GNAL: variants seen among roughly 807,000 people sequenced by gnomAD.
GNAL encodes G protein subunit alpha L.
Under a neutral mutation model 55.1 loss-of-function variants are expected in GNAL, and 18 were observed. The ratio of observed to expected loss-of-function variants is 0.33; its 90% confidence interval spans 0.23 to 0.48. The LOEUF (loss-of-function observed/expected upper bound fraction) is 0.48. Among genes scored for constraint, GNAL ranks in the 20% least tolerant of loss-of-function variants. The pLI, the probability that GNAL is intolerant of heterozygous loss-of-function variation, is 0.99. For synonymous variants in GNAL, 253 were observed against 237.0 expected, an observed-to-expected ratio of 1.07 and a Z score of -0.62; for missense variants, 412 against 614.1, an observed-to-expected ratio of 0.67 and a Z score of 3.48.
At chr18:11,793,984 G>A (rs1483963666) in intron 4 of GNAL, among the ~76,000 whole-genome samples, 1 of 150,890 alleles carries the variant, frequency 6.6e-6, no homozygotes, top group East Asian at 1.9e-4. Flanking sequence ...TGGCCAATAA[G>A]CACATGAAAA....
chr18:11,772,397 CT>C (rs2033661559), intron 4 of GNAL, among the ~76,000 whole-genome samples: 1 of 152,208 alleles, frequency 6.6e-6, no homozygotes. Context: ...GAGACTGCAT[CT>C]TTGCAGGTTT....
intron 11 of GNAL, among the ~76,000 whole-genome samples, chr18:11,877,260 C>T (rs531032941): frequency 6.6e-6 from 1 of 152,242 alleles, no homozygotes; most frequent in Non-Finnish European, 1.5e-5. Context: ...TCGAGACTAG[C>T]CTGGCCAACA....
chr18:11,805,073 T>C (rs111747492), intron 4 of GNAL, among the ~76,000 whole-genome samples: 2 of 150,010 alleles, frequency 1.3e-5, no homozygotes, highest in Non-Finnish European at 3.0e-5. Context: ...GAGTGGAACA[T>C]GGAGATACTG....
intron 1 of GNAL, among the ~76,000 whole-genome samples, chr18:11,702,544 T>C (rs896179093): frequency 6.6e-6 from 1 of 152,208 alleles, no homozygotes; most frequent in African/African-American, 2.4e-5. Context: ...CTACTATTTG[T>C]TTATTCAGTA....
rs60956367 is a variant in GNAL, at chr18:11,754,403, C to T, written c.624+458C>T. Reference sequence around the variant, plus strand: ...CTGCACTCCAGCCTGGGCGACAGAGCGAGACTCCCATCTCAAAAAAAAAAA... The same window carrying T: ...CTGCACTCCAGCCTGGGCGACAGAGTGAGACTCCCATCTCAAAAAAAAAAA... On this transcript the variant is annotated intron_variant, in intron 4 of 11. Transcript: ENST00000334049. 9.3e-3 allele frequency among the ~76,000 whole-genome samples: 1,386 copies of T among 149,096 alleles called. 9 individuals carry two copies. The highest frequency in any genetic ancestry group is 0.017 in the Middle Eastern group (5 of 286).
At chr18:11,801,588 C>A (rs371451564) in intron 4 of GNAL, among the ~76,000 whole-genome samples, 120 of 152,222 alleles carry the variant, frequency 7.9e-4, no homozygotes, top group African/African-American at 2.7e-3. Flanking sequence ...AAACATCACC[C>A]TGGCCACTGT....
At chr18:11,744,130 A>AT (rs1213093218) in intron 1 of GNAL, among the ~76,000 whole-genome samples, 1 of 152,106 alleles carries the variant, frequency 6.6e-6, no homozygotes, top group Admixed American at 6.5e-5. Flanking sequence ...TCAGTCCTGG[A>AT]TTTTTGGACA....
Position 11,873,739 on chromosome 18 carries a change from C to T in GNAL, c.1162+1341C>T, listed in dbSNP as rs537924291. Among the ~76,000 whole-genome samples the T allele has an allele frequency of 6.1e-4, 93 of 152,358 alleles. 1 individual carries two copies. In the South Asian group the frequency reaches 6.6e-3, roughly 11 times the overall value. On this transcript the variant is annotated intron_variant, in intron 10 of 11. Coordinates refer to ENST00000334049, the MANE Select transcript of GNAL (RefSeq NM_182978.4). ...CATCATCAGAGCATGGCTTCTGCTG[C>T]GCTTTCTGTGGCTGGCATTGCCAGT...
At chr18:11,713,399 T>C (rs2031882461) in intron 1 of GNAL, among the ~76,000 whole-genome samples, 2 of 152,172 alleles carry the variant, frequency 1.3e-5, no homozygotes, top group African/African-American at 4.8e-5. Flanking sequence ...CAGAGCATCT[T>C]TGGGTTTCTC....
intron 1 of GNAL, among the ~76,000 whole-genome samples, chr18:11,696,224 C>T (rs901877221): frequency 2.0e-5 from 3 of 151,992 alleles, no homozygotes; most frequent in African/African-American, 4.8e-5. Context: ...ACATCCTGGC[C>T]GAGCGCGGTG....
chr18:11,871,166 C>T (rs1444559004), intron 9 of GNAL, among the ~76,000 whole-genome samples: 1 of 151,460 alleles, frequency 6.6e-6, no homozygotes, highest in Non-Finnish European at 1.5e-5. Flanking sequence ...TTTGTTTTTA[C>T]AAAGGTTATA....
chr18:11,695,647 T>C (rs1327287609), intron 1 of GNAL, among the ~76,000 whole-genome samples: 1 of 152,220 alleles, frequency 6.6e-6, no homozygotes. Context: ...AACTACTCTT[T>C]TAATATGATT....
Position 11,751,735 on chromosome 18 carries a change from G to T in GNAL, c.377-1118G>T, listed in dbSNP as rs574672025. ...AGCGCCCCAGCCGGCCGGGCTCCGTGGGGGGTCAGCTCCCTGACCCCTACA... is the reference window on the plus strand; with the variant it reads ...AGCGCCCCAGCCGGCCGGGCTCCGTTGGGGGTCAGCTCCCTGACCCCTACA... On this transcript the variant is annotated intron_variant, in intron 1 of 11. Coordinates refer to ENST00000334049, the MANE Select transcript of GNAL (RefSeq NM_182978.4). The surrounding 1 kb of genome is among the most constrained non-coding windows in gnomAD (Gnocchi z 4.5). 37 of 861,760 alleles carry T rather than the reference G, an allele frequency of 4.3e-5. No individual in the cohort carries two copies. Among genetic ancestry groups the T allele is most frequent in the African/African-American group, 7.3e-5 (4 of 54,996 alleles). 53.4% of individuals were successfully genotyped at this position (861,760 alleles called of 1,614,324 possible). A position where few individuals can be genotyped will look rare whatever the true frequency, so the allele number is the denominator to read the frequency against.
intron 1 of GNAL, among the ~76,000 whole-genome samples, chr18:11,694,302 C>A (rs1412555662): frequency 6.6e-6 from 1 of 152,162 alleles, no homozygotes; most frequent in Non-Finnish European, 1.5e-5. Flanking sequence ...TCTCATGGAG[C>A]ACTGGGGTAC....
At chr18:11,759,168 G>A (rs888075561) in intron 4 of GNAL, among the ~76,000 whole-genome samples, 4 of 149,638 alleles carry the variant, frequency 2.7e-5, no homozygotes, top group East Asian at 1.9e-4. Flanking sequence ...GCGAGACTCC[G>A]TCTCAAAAAA....
At chr18:11,732,700 G>C (rs73944247) in intron 1 of GNAL, among the ~76,000 whole-genome samples, 2,935 of 152,290 alleles carry the variant, frequency 0.019, 96 homozygotes, top group African/African-American at 0.067. Flanking sequence ...TCTAAATATG[G>C]ATCTTCCCAA....
rs533783939 is a variant in GNAL at position 11,724,555 on chromosome 18, C to T, written c.377-28298C>T. Among the ~76,000 whole-genome samples, 35 of 152,276 alleles carry T rather than the reference C, an allele frequency of 2.3e-4. No homozygotes were observed. In the South Asian group the frequency reaches 6.6e-3, roughly 29 times the overall value. On this transcript the variant is annotated intron_variant, in intron 1 of 11. Transcript: ENST00000334049. ...GTCTTCTTTTCCTCTGTCGACCGAT[C>T]GTAGGGAACTTCCAGTGAGGCTGTA...
chr18:11,802,245 A>G (rs2034540641), intron 4 of GNAL, among the ~76,000 whole-genome samples: 1 of 152,168 alleles, frequency 6.6e-6, no homozygotes, highest in Non-Finnish European at 1.5e-5. Flanking sequence ...AAGACTGATG[A>G]CAGGGTAAGA....
At chr18:11,778,398 A>G (rs769634124) in intron 4 of GNAL, among the ~76,000 whole-genome samples, 4 of 152,210 alleles carry the variant, frequency 2.6e-5, no homozygotes, top group Non-Finnish European at 5.9e-5. Flanking sequence ...AAATGGTGTC[A>G]GCTGCAGGCT....
Sources: gnomAD v4.1 joint callset for allele counts (sites outside exome capture counted in the v4.1 genomes callset) on GRCh38, gnomAD v4.1.1 for gene constraint, Gnocchi (gnomAD v3.1) non-coding constraint, MANE v1.5 for transcripts, NCBI Gene and HGNC (gene_info 2026-07-23, HGNC 2026-07-21) for gene names.